Variants in JRK observed in about 807,000 individuals in gnomAD.
The protein encoded by JRK is jerky protein homolog.
For missense variants in JRK, 720 were observed against 509.2 expected (o/e 1.41, Z -3.98); for synonymous variants, 303 against 218.1 (o/e 1.39, Z -3.43).
the JRK span, among the ~76,000 whole-genome samples, chr8:142,651,256 AC>A: frequency 6.6e-6 from 1 of 152,138 alleles, no homozygotes; most frequent in Admixed American, 6.5e-5. Context: ...CTGACTTTCA[AC>A]CATTGAGCTC....
chr8:142,659,152 C>T lies in JRK; in HGVS notation c.*5200G>A, dbSNP rs1846835583. On this transcript the variant is annotated 3_prime_UTR_variant, in exon 2 of 2. Coordinates refer to ENST00000612905, the MANE Select transcript of JRK (RefSeq NM_003724.4). ...CCAAGTCCCAGCTCAAGCCTGGCAG[C>T]TCCTCCCACTGAGCCTCATGGTCAC... The T allele has an allele frequency of 7.5e-7, 1 of 1,332,256 alleles. No individual in the cohort carries two copies. The highest frequency in any genetic ancestry group is 9.6e-7 in the Non-Finnish European group (1 of 1,037,734). The allele number at this position is 1,332,256 out of a possible 1,614,324, so 82.5% of individuals were successfully genotyped here.
At chr8:142,652,597 C>T (rs1846686771), downstream of JRK, among the ~76,000 whole-genome samples, 1 of 152,078 alleles carries the variant, frequency 6.6e-6, no homozygotes. Context: ...GGGAGGGGCT[C>T]ATTCCATAGG....
chr8:142,649,500 G>C, the JRK span, among the ~76,000 whole-genome samples: 1 of 152,234 alleles, frequency 6.6e-6, no homozygotes, highest in Non-Finnish European at 1.5e-5. Flanking sequence ...TGCTATCCAT[G>C]TAAGACGTGA....
rs782050222 is a variant in JRK, at chr8:142,666,066, G to A, written c.-8C>T. ...AGCCGGCTTGGAGGCCATGGGGAGGGGTGGCTGGTCCTAGCACTTGCAGGA... is the reference window on the plus strand; with the variant it reads ...AGCCGGCTTGGAGGCCATGGGGAGGAGTGGCTGGTCCTAGCACTTGCAGGA... On this transcript the variant is annotated 5_prime_UTR_variant, in exon 2 of 2. Coordinates refer to ENST00000612905, the MANE Select transcript of JRK (RefSeq NM_003724.4). 6 of 1,605,310 alleles carry A rather than the reference G, an allele frequency of 3.7e-6. No individual in the cohort carries two copies. Among genetic ancestry groups the A allele is most frequent in the Non-Finnish European group, 5.1e-6 (6 of 1,176,648 alleles).
At chr8:142,646,387 C>A in the JRK span, among the ~76,000 whole-genome samples, 2 of 152,128 alleles carry the variant, frequency 1.3e-5, no homozygotes, top group Admixed American at 6.5e-5. Flanking sequence ...CCACCTAAAA[C>A]CACAAGATTA....
At chr8:142,669,199 T>TGTGTGTGC (rs1357904924) in intron 1 of JRK, among the ~76,000 whole-genome samples, 72 of 61,596 alleles carry the variant, frequency 1.2e-3, no homozygotes, top group East Asian at 5.3e-3. Context: ...TGTGTGTGTG[T>TGTGTGTGC]GCGTGTGTGT....
the JRK span, among the ~76,000 whole-genome samples, chr8:142,645,616 C>A: frequency 6.6e-6 from 1 of 151,982 alleles, no homozygotes; most frequent in East Asian, 1.9e-4. Flanking sequence ...GGAGGCGGAG[C>A]TTGCAGTGAG....
At position 142,659,757 on chromosome 8, in the gene JRK, C is replaced by G. The variant is rs1454779316; in HGVS notation, c.*4595G>C. The G allele has an allele frequency of 1.9e-5, 19 of 985,480 alleles. 1 individual carries two copies. The African/African-American group carries it at 2.1e-4, about 11-fold the overall frequency. 61.0% of individuals were successfully genotyped at this position (985,480 alleles called of 1,614,324 possible). On this transcript the variant is annotated 3_prime_UTR_variant, in exon 2 of 2. Transcript: ENST00000612905. ...TGCTCAAGGTCATGCAGCTGGTGAA[C>G]AGCAGGGAGTGAGCAGTGGAGAACG...
Position 142,665,415 on chromosome 8 carries a change from C to T in JRK, c.644G>A (p.Arg215Gln), listed in dbSNP as rs1344420113. 2.1e-5 allele frequency: 15 copies of T among 717,614 alleles called. No individual in the cohort carries two copies. The highest frequency in any genetic ancestry group is 6.0e-5 in the Admixed American group (3 of 50,006). 44.5% of individuals were successfully genotyped at this position (717,614 alleles called of 1,614,324 possible). ...GTTGGCACACATCAGCACGGTCAGC[C>T]GGTCCTTGCCCTGCTTGGGGCCAGG... ...AVPGPKQGKDRLTVLMCANAT... is the reference protein window; with the variant it reads ...AVPGPKQGKDQLTVLMCANAT... Residue 215 changes from arginine (R) to glutamine (Q), a missense_variant, in exon 2 of 2, where the codon CGG becomes CAG. Coordinates refer to ENST00000612905, the MANE Select transcript of JRK (RefSeq NM_003724.4).
chr8:142,659,612 C>G lies in JRK; in HGVS notation c.*4740G>C, dbSNP rs1267386290. The G allele has an allele frequency of 1.0e-6, 1 of 985,418 alleles. No individual in the cohort carries two copies. The highest frequency in any genetic ancestry group is 1.7e-5 in the African/African-American group (1 of 57,248). The allele number at this position is 985,418 out of a possible 1,614,324, so 61.0% of individuals were successfully genotyped here. A position where few individuals can be genotyped will look rare whatever the true frequency, so the allele number is the denominator to read the frequency against. On this transcript the variant is annotated 3_prime_UTR_variant, in exon 2 of 2. Coordinates refer to ENST00000612905, the MANE Select transcript of JRK (RefSeq NM_003724.4). ...GACCAGGACCCAGCAGGGGCCATAC[C>G]CAGATTCAGAGGCTCAGGACCACCA...
chr8:142,665,870 G>C lies in JRK; in HGVS notation c.189C>G (p.Leu63=). The change falls in exon 2 of 2, where the codon CTC becomes CTG. Residue 63 remains leucine (L), a synonymous_variant. Coordinates refer to ENST00000612905, the MANE Select transcript of JRK (RefSeq NM_003724.4). ...YDIRAHKAQL[L]RFFASSDSNK... ...TGGAGTCGGAGCTGGCGAAGAACCG[G>C]AGCAGCTGCGCCTTGTGGGCCCTGA... 1.3e-6 allele frequency: 1 copy of C among 782,070 alleles called. No individual in the cohort carries two copies. The highest frequency in any genetic ancestry group is 2.4e-5 in the East Asian group (1 of 41,252). 48.4% of individuals were successfully genotyped at this position (782,070 alleles called of 1,614,324 possible).
rs1554635008 is a variant in JRK, at chr8:142,664,038, G to C, written c.*314C>G. Reference sequence around the variant, plus strand: ...TGATCAGCCAGCGAACACGAGACCAGATCGGCTCAGCCTGGCCCCCATTCC... The same window carrying C: ...TGATCAGCCAGCGAACACGAGACCACATCGGCTCAGCCTGGCCCCCATTCC... On this transcript the variant is annotated 3_prime_UTR_variant, in exon 2 of 2. Transcript: ENST00000612905. 3.4e-6 allele frequency: 4 copies of C among 1,170,218 alleles called. No individual in the cohort carries two copies. Among genetic ancestry groups the C allele is most frequent in the Non-Finnish European group, 4.2e-6 (4 of 947,210 alleles). The allele number at this position is 1,170,218 out of a possible 1,614,324, so 72.5% of individuals were successfully genotyped here.
rs868948969 is a variant in JRK, at chr8:142,663,783, C to A, written c.*569G>T. 4 of 985,842 alleles carry A rather than the reference C, an allele frequency of 4.1e-6. No individual in the cohort carries two copies. The highest frequency in any genetic ancestry group is 4.8e-6 in the Non-Finnish European group (4 of 830,236). 61.1% of individuals were successfully genotyped at this position (985,842 alleles called of 1,614,324 possible). On this transcript the variant is annotated 3_prime_UTR_variant, in exon 2 of 2. Coordinates refer to ENST00000612905, the MANE Select transcript of JRK (RefSeq NM_003724.4). ...GAGGCCACAACTGAAGTGAGATGTG[C>A]GGCCTGTTCAGCCGCTAGCAGGCCA... is the stretch of plus-strand genomic sequence containing the variant.
downstream of JRK, among the ~76,000 whole-genome samples, chr8:142,656,509 G>T (rs1439129379): frequency 1.0e-5 from 1 of 99,634 alleles, no homozygotes. Flanking sequence ...ATCAAATTTG[G>T]GCTCCTTTGA....
rs1846878797 is a variant in JRK at position 142,660,383 on chromosome 8, A to C, written c.*3969T>G. 1 of 985,204 alleles carries C rather than the reference A, an allele frequency of 1.0e-6. No homozygotes were observed. Among genetic ancestry groups the C allele is most frequent in the African/African-American group, 1.7e-5 (1 of 57,198 alleles). 61.0% of individuals were successfully genotyped at this position (985,204 alleles called of 1,614,324 possible). On this transcript the variant is annotated 3_prime_UTR_variant, in exon 2 of 2. Transcript: ENST00000612905. The stretch of plus-strand genomic sequence containing the variant: ...TGACCTCCCCGACCCTGATCTCCAC[A>C]CCTGACCCCAAAGCACATTTTGTTA...
chr8:142,660,789 CCCTGTG>C lies in JRK; in HGVS notation c.*3557_*3562del. 1 of 985,442 alleles carries C rather than the reference CCCTGTG, an allele frequency of 1.0e-6. No homozygotes were observed. The highest frequency in any genetic ancestry group is 1.7e-5 in the African/African-American group (1 of 57,310). 61.0% of individuals were successfully genotyped at this position (985,442 alleles called of 1,614,324 possible). On this transcript the variant is annotated 3_prime_UTR_variant, in exon 2 of 2. Transcript: ENST00000612905. ...CTTGATTTGTCCCAAGTTGTCGCTG[CCCTGTG>C]CCACAGCCTCCCAAGAATGGATGCA...
chr8:142,661,764 C>T lies in JRK; in HGVS notation c.*2588G>A, dbSNP rs587760668. The T allele has an allele frequency of 7.2e-5, 71 of 985,454 alleles. No homozygotes were observed. The South Asian group carries it at 2.1e-3, about 29-fold the overall frequency. 61.0% of individuals were successfully genotyped at this position (985,454 alleles called of 1,614,324 possible). A position where few individuals can be genotyped will look rare whatever the true frequency, so the allele number is the denominator to read the frequency against. On this transcript the variant is annotated 3_prime_UTR_variant, in exon 2 of 2. Coordinates refer to ENST00000612905, the MANE Select transcript of JRK (RefSeq NM_003724.4). Reference sequence around the variant, plus strand: ...AGCTGTGCTGTGGTGTCTGGTACAGCGGGGCTCCACCTGAGAGGGCTTGGG... The same window carrying T: ...AGCTGTGCTGTGGTGTCTGGTACAGTGGGGCTCCACCTGAGAGGGCTTGGG...
In JRK at chr8:142,658,152, T is replaced by A. The variant is rs922668847; in HGVS notation, c.*6200A>T. ...CTGGCCCATGACTGGCACTGAGGAG[T>A]TAGGGGCAATGGCAGAACTGCCTGG... On this transcript the variant is annotated 3_prime_UTR_variant, in exon 2 of 2. Coordinates refer to ENST00000612905, the MANE Select transcript of JRK (RefSeq NM_003724.4). 6.6e-6 allele frequency: 1 copy of A among 152,210 alleles called. No individual in the cohort carries two copies. The highest frequency in any genetic ancestry group is 6.5e-5 in the Admixed American group (1 of 15,268). The allele number at this position is 152,210 out of a possible 1,614,324, so 9.4% of individuals were successfully genotyped here. A position where few individuals can be genotyped will look rare whatever the true frequency, so the allele number is the denominator to read the frequency against.
downstream of JRK, among the ~76,000 whole-genome samples, chr8:142,655,116 C>T (rs1194148265): frequency 6.6e-6 from 1 of 152,202 alleles, no homozygotes; most frequent in Non-Finnish European, 1.5e-5. Flanking sequence ...CCTTTGCATG[C>T]CCCCTTGAGA....
Sources: gnomAD v4.1 joint callset for allele counts (sites outside exome capture counted in the v4.1 genomes callset) on GRCh38, gnomAD v4.1.1 for gene constraint, MANE v1.5 for transcripts, NCBI Gene and HGNC (gene_info 2026-07-23, HGNC 2026-07-21) for gene names.